Variants in SEPHS1 observed in about 807,000 individuals in gnomAD.
SEPHS1 encodes zincore component SEPHS1.
Under a neutral mutation model 39.2 loss-of-function variants are expected in SEPHS1, and 7 were observed. The ratio of observed to expected loss-of-function variants is 0.18; its 90% CI spans 0.10 to 0.34. SEPHS1 has a LOEUF of 0.34. Ranked by LOEUF, SEPHS1 falls within the 10% of genes least tolerant of loss-of-function variation. The pLI is 1.00. For missense variants in SEPHS1, 253 were observed against 514.5 expected (o/e 0.49, Z 4.92); for synonymous variants, 190 against 195.5 (o/e 0.97, Z 0.23).
chr10:13,333,035 T>C (rs2130666742), intron 5 of SEPHS1, among the ~76,000 whole-genome samples: 1 of 152,124 alleles, frequency 6.6e-6, no homozygotes, highest in South Asian at 2.1e-4. Context: ...CATCCTAACA[T>C]CAACTCCGGT....
At position 13,319,184 on chromosome 10, in the gene SEPHS1, C is replaced by T. The variant is rs1332496032; in HGVS notation, c.1137G>A (p.Val379=). ...KPRIIEVAPQ[V]ATQNVNPTPG... ...GTGTGGGATTCACATTTTGAGTGGC[C>T]ACTTGTGGTGCGACCTCGATGATCC... The change falls in exon 9 of 9, where the codon GTG becomes GTA. Residue 379 remains valine (V), a synonymous_variant. Coordinates refer to ENST00000327347, the MANE Select transcript of SEPHS1 (RefSeq NM_012247.5). 39 of 1,613,270 alleles carry T rather than the reference C, an allele frequency of 2.4e-5. No individual in the cohort carries two copies. The highest frequency in any genetic ancestry group is 3.2e-5 in the Non-Finnish European group (38 of 1,179,746).
chr10:13,334,990 G>A (rs916666209), intron 4 of SEPHS1, among the ~76,000 whole-genome samples: 1 of 152,166 alleles, frequency 6.6e-6, no homozygotes, highest in Non-Finnish European at 1.5e-5. Context: ...AACCCACACT[G>A]ACAGAGCCTG....
chr10:13,346,603 T>TA (rs1182708214), intron 1 of SEPHS1, among the ~76,000 whole-genome samples: 1 of 151,772 alleles, frequency 6.6e-6, no homozygotes. Flanking sequence ...GAAGCCATCT[T>TA]AGAGTTATGG....
intron 1 of SEPHS1, among the ~76,000 whole-genome samples, chr10:13,346,873 G>A (rs1833938089): frequency 6.6e-6 from 1 of 152,110 alleles, no homozygotes; most frequent in African/African-American, 2.4e-5. Flanking sequence ...AGTTTTAAGG[G>A]TGGAAAAAAG....
chr10:13,328,313 G>A (rs757052427), intron 7 of SEPHS1, 38 bp downstream of exon 7: 1 of 1,362,332 alleles, frequency 7.3e-7, no homozygotes, highest in East Asian at 2.3e-5. Flanking sequence ...TACTGTCTTG[G>A]ACCCCTGGGA....
At chr10:13,333,682 CTG>C in intron 5 of SEPHS1, 133 bp downstream of exon 5, 1 of 815,796 alleles carries the variant, frequency 1.2e-6, no homozygotes, top group Non-Finnish European at 1.9e-6. Context: ...CTCAGGTGAT[CTG>C]CCCGCCTCGG....
intron 7 of SEPHS1, among the ~76,000 whole-genome samples, chr10:13,324,287 C>T (rs974541780): frequency 1.3e-5 from 2 of 152,158 alleles, no homozygotes; most frequent in Non-Finnish European, 2.9e-5. Context: ...CAATTATATT[C>T]CATCATACAG....
intron 5 of SEPHS1, among the ~76,000 whole-genome samples, chr10:13,331,783 C>T (rs1424793611): frequency 5.9e-5 from 9 of 152,212 alleles, no homozygotes; most frequent in African/African-American, 1.4e-4. Context: ...GTAGTAAGCA[C>T]ATGAAAAGAT....
rs553112368 is a variant in SEPHS1, at chr10:13,343,329, A to T, written c.193+1429T>A. On this transcript the variant is annotated intron_variant, in intron 2 of 8. Transcript: ENST00000327347. ...GGTATTTCTCCACAGCTTGGCCATCAGCTGGACGGCAGGAACTGTTTTCAA... is the reference window on the plus strand; with the variant it reads ...GGTATTTCTCCACAGCTTGGCCATCTGCTGGACGGCAGGAACTGTTTTCAA... 4.9e-4 allele frequency among the ~76,000 whole-genome samples: 75 copies of T among 152,268 alleles called. 1 individual carries two copies. The South Asian group carries it at 0.016, about 32-fold the overall frequency.
chr10:13,334,709 T>TTG (rs1160510638), intron 4 of SEPHS1, among the ~76,000 whole-genome samples: 1 of 152,124 alleles, frequency 6.6e-6, no homozygotes, highest in Admixed American at 6.5e-5. Context: ...GGAGATCTTG[T>TTG]CTCAAAAACA....
chr10:13,324,494 C>G (rs1833206034), intron 7 of SEPHS1, among the ~76,000 whole-genome samples: 1 of 152,250 alleles, frequency 6.6e-6, no homozygotes, highest in South Asian at 2.1e-4. Flanking sequence ...TATTTAGTTT[C>G]ATAAGAAACT....
At chr10:13,342,527 A>G (rs1833822083) in intron 2 of SEPHS1, among the ~76,000 whole-genome samples, 1 of 152,108 alleles carries the variant, frequency 6.6e-6, no homozygotes, top group South Asian at 2.1e-4. Context: ...CGGAGGTTGC[A>G]GTGAGCTGAG....
intron 5 of SEPHS1, 102 bp from the exon 6 acceptor site, chr10:13,329,890 C>T: frequency 9.8e-7 from 1 of 1,021,584 alleles, no homozygotes; most frequent in Non-Finnish European, 1.5e-6. Context: ...ATATATCTGC[C>T]TTTGCATTTA....
rs746273837 is a variant in SEPHS1 at position 13,329,779 on chromosome 10, A to G, written c.570T>C (p.Asn190=). ...GCACCAGCACGTCCCCTGGCACTGC[A>G]TTGTCTGGCCTGAAGAAAAGAAAAG... ...CQPNEFIMPD[N]AVPGDVLVLT... Residue 190 remains asparagine, a synonymous_variant, in exon 6 of 9, where the codon AAT becomes AAC. Transcript: ENST00000327347. The G allele has an allele frequency of 1.5e-5, 24 of 1,608,014 alleles. No homozygotes were observed. The highest frequency in any genetic ancestry group is 2.7e-5 in the African/African-American group (2 of 74,892).
chr10:13,323,417 C>T (rs992835363), intron 7 of SEPHS1, among the ~76,000 whole-genome samples: 3 of 151,924 alleles, frequency 2.0e-5, no homozygotes, highest in African/African-American at 7.2e-5. Context: ...TGCAGTCGTA[C>T]GATCTCGGCT....
At chr10:13,334,002 CAAAG>C in intron 4 of SEPHS1, 31 bp from the exon 5 acceptor site, 1 of 1,577,368 alleles carries the variant, frequency 6.3e-7, no homozygotes, top group Non-Finnish European at 8.6e-7. Flanking sequence ...AATAAAAAGT[CAAAG>C]AATTCTGTTC....
intron 7 of SEPHS1, among the ~76,000 whole-genome samples, chr10:13,327,217 G>A (rs1378809756): frequency 7.4e-6 from 1 of 135,396 alleles, no homozygotes; most frequent in Non-Finnish European, 1.5e-5. Context: ...CTCCAGCCTG[G>A]GCGACAGAGT....
At chr10:13,325,146 A>C (rs773318101) in intron 7 of SEPHS1, among the ~76,000 whole-genome samples, 1 of 152,078 alleles carries the variant, frequency 6.6e-6, no homozygotes, top group African/African-American at 2.4e-5. Context: ...TTCACCGAGC[A>C]GAAGTTTTTT....
chr10:13,330,681 C>G (rs761594311), intron 5 of SEPHS1, among the ~76,000 whole-genome samples: 1 of 152,122 alleles, frequency 6.6e-6, no homozygotes, highest in Non-Finnish European at 1.5e-5. Context: ...ACCCAGCTCC[C>G]CAGCTCAACC....
Sources: allele counts gnomAD v4.1 joint callset (sites outside exome capture counted in the v4.1 genomes callset), GRCh38; gene constraint gnomAD v4.1.1; transcripts MANE v1.5; gene names NCBI Gene and HGNC (gene_info 2026-07-23, HGNC 2026-07-21).